MYBPC1: variants seen among roughly 807,000 people sequenced by gnomAD.
MYBPC1 encodes the protein myosin binding protein C1.
MYBPC1 carries 52 observed loss-of-function variants against 147.1 expected under a neutral mutation model. That is an observed-to-expected ratio of 0.35 (90% CI 0.28 to 0.45). MYBPC1 has a LOEUF of 0.45. Ranked by LOEUF, MYBPC1 falls within the 20% of genes least tolerant of loss-of-function variation. The probability of loss-of-function intolerance (pLI) is 1.00; values close to 1 mark genes in which losing one functional copy is unlikely to be tolerated. For synonymous variants in MYBPC1, 477 were observed against 475.9 expected (o/e 1.00, Z -0.03); for missense variants, 1,228 against 1,440.3 (o/e 0.85, Z 2.39).
At chr12:101,611,073 C>T (rs1884105020) in intron 1 of MYBPC1, among the ~76,000 whole-genome samples, 1 of 152,226 alleles carries the variant, frequency 6.6e-6, no homozygotes, top group Admixed American at 6.5e-5. Flanking sequence ...TACTCCTTCA[C>T]TGGCTATAAA....
At chr12:101,641,137 A>C (rs1377442349) in intron 10 of MYBPC1, among the ~76,000 whole-genome samples, 3 of 151,176 alleles carry the variant, frequency 2.0e-5, no homozygotes, top group African/African-American at 4.8e-5. Flanking sequence ...AAAAAAAAGA[A>C]GGCACTCTGA....
intron 11 of MYBPC1, 121 bp from the exon 12 acceptor site, chr12:101,644,543 A>AT: frequency 3.2e-6 from 3 of 935,608 alleles, no homozygotes; most frequent in Non-Finnish European, 3.3e-6. Flanking sequence ...AAGGTTTCTG[A>AT]TTTTTTTCTT....
intron 28 of MYBPC1, 39 bp downstream of exon 28, chr12:101,678,277 C>G (rs368636210): frequency 1.1e-5 from 17 of 1,609,018 alleles, no homozygotes; most frequent in Middle Eastern, 1.7e-4. Context: ...AAGTCCCTGT[C>G]TTGTATTTGT....
In MYBPC1 at chr12:101,652,706, C is replaced by T; in HGVS notation, c.1555C>T (p.Leu519Phe). Residue 519 changes from leucine to phenylalanine, a missense_variant, in exon 17 of 32, where the codon CTC becomes TTC. This residue lies in a region of MYBPC1 where 1,077 missense variants were observed against 1,314.2 expected (regional missense o/e 0.82). Transcript: ENST00000361466. The part of the protein sequence containing the change: ...RIHKLVIANA[L>F]TEDEGDYVFA... The stretch of plus-strand genomic sequence containing the variant: ...CCACAAGTTAGTGATAGCCAATGCC[C>T]TCACTGAAGATGAAGGTGATTATGT... The T allele has an allele frequency of 6.2e-7, 1 of 1,613,298 alleles. No individual in the cohort carries two copies. Among genetic ancestry groups the T allele is most frequent in the Non-Finnish European group, 8.5e-7 (1 of 1,179,298 alleles).
intron 21 of MYBPC1, 58 bp from the exon 22 acceptor site, chr12:101,663,368 C>T: frequency 4.1e-6 from 6 of 1,453,112 alleles, no homozygotes; most frequent in Non-Finnish European, 5.8e-6. Context: ...TATCACAGTT[C>T]CTGCACTATA....
At chr12:101,600,114 C>T (rs1290312315) in intron 1 of MYBPC1, among the ~76,000 whole-genome samples, 1 of 152,104 alleles carries the variant, frequency 6.6e-6, no homozygotes, top group Non-Finnish European at 1.5e-5. Flanking sequence ...AAAGAAATTC[C>T]CTCTTGTTCC....
intron 13 of MYBPC1, among the ~76,000 whole-genome samples, chr12:101,647,746 G>C (rs1333334093): frequency 2.0e-5 from 3 of 152,136 alleles, no homozygotes; most frequent in African/African-American, 7.2e-5. Context: ...AATTAGTTGG[G>C]TGTAGTGGCA....
intron 11 of MYBPC1, among the ~76,000 whole-genome samples, chr12:101,644,140 G>A (rs1258272349): frequency 6.6e-6 from 1 of 152,092 alleles, no homozygotes; most frequent in Non-Finnish European, 1.5e-5. Flanking sequence ...AGGTTCAAGT[G>A]ACTCTCATGC....
At chr12:101,610,448 A>G (rs1883828062) in intron 1 of MYBPC1, among the ~76,000 whole-genome samples, 1 of 152,198 alleles carries the variant, frequency 6.6e-6, no homozygotes, top group South Asian at 2.1e-4. Flanking sequence ...TAACACATGC[A>G]GCTCACAGAC....
chr12:101,665,427 A>G (rs1054695264), intron 22 of MYBPC1, among the ~76,000 whole-genome samples: 1 of 151,986 alleles, frequency 6.6e-6, no homozygotes, highest in Non-Finnish European at 1.5e-5. Context: ...ATTCTGTAAG[A>G]GAATTCTTTG....
intron 26 of MYBPC1, among the ~76,000 whole-genome samples, 156 bp downstream of exon 26, chr12:101,675,587 G>C (rs1384088371): frequency 6.6e-6 from 1 of 152,214 alleles, no homozygotes; most frequent in Non-Finnish European, 1.5e-5. Context: ...GAGCCACAGA[G>C]CTGGTCTTAA....
chr12:101,600,859 A>T (rs1391201409), intron 1 of MYBPC1, among the ~76,000 whole-genome samples: 1 of 152,242 alleles, frequency 6.6e-6, no homozygotes, highest in African/African-American at 2.4e-5. Context: ...ACAGGATTAA[A>T]GTTCTAGCAA....
At chr12:101,675,177 G>C (rs1268491716) in intron 25 of MYBPC1, 115 bp from the exon 26 acceptor site, 1 of 1,405,890 alleles carries the variant, frequency 7.1e-7, no homozygotes, top group East Asian at 2.5e-5. Context: ...GTAGGGTCTA[G>C]AAGAGTGATG....
chr12:101,661,315 T>C, intron 20 of MYBPC1, 53 bp downstream of exon 20: 1 of 1,162,274 alleles, frequency 8.6e-7, no homozygotes, highest in South Asian at 1.3e-5. Flanking sequence ...GTGTCCTCTT[T>C]ACGCATCTTA....
chr12:101,606,203 AACACACACAC>A (rs113061042), intron 1 of MYBPC1, among the ~76,000 whole-genome samples: 6 of 145,904 alleles, frequency 4.1e-5, no homozygotes, highest in South Asian at 2.2e-4. Context: ...TCAAAAAAGA[AACACACACAC>A]ACACACACAC....
chr12:101,661,098 A>G, intron 19 of MYBPC1, 60 bp from the exon 20 acceptor site: 1 of 1,062,968 alleles, frequency 9.4e-7, no homozygotes, highest in South Asian at 1.3e-5. Context: ...TTTCCTATTA[A>G]CTTTTTTTTT....
At position 101,634,521 on chromosome 12, in the gene MYBPC1, G is replaced by A. The variant is rs371262248; in HGVS notation, c.557-33G>A. The A allele has an allele frequency of 3.2e-6, 5 of 1,544,264 alleles. No individual in the cohort carries two copies. In the African/African-American group the frequency reaches 5.5e-5, roughly 17 times the overall value. ...TGAACACAAACTACCTCCTTAATGG[G>A]TATTTATGTTATTGTTTTCTTTCCT... On this transcript the variant is annotated intron_variant, in intron 8 of 31. Coordinates refer to ENST00000361466, the MANE Select transcript of MYBPC1 (RefSeq NM_002465.4).
At chr12:101,612,602 G>A (rs1445184330) in intron 1 of MYBPC1, among the ~76,000 whole-genome samples, 1 of 152,198 alleles carries the variant, frequency 6.6e-6, no homozygotes, top group Admixed American at 6.5e-5. Context: ...CACAGTTGTA[G>A]GATAAATAAC....
At chr12:101,598,222 G>T (rs939286075) in intron 1 of MYBPC1, among the ~76,000 whole-genome samples, 34 of 152,080 alleles carry the variant, frequency 2.2e-4, no homozygotes, top group Admixed American at 3.3e-4. Context: ...GTTTCGCCAT[G>T]TTGGCCAGGC....
Sources: allele counts gnomAD v4.1 joint callset (sites outside exome capture counted in the v4.1 genomes callset), GRCh38; gene constraint gnomAD v4.1.1; regional missense constraint gnomAD v4.1.1; transcripts MANE v1.5; gene names NCBI Gene and HGNC (gene_info 2026-07-23, HGNC 2026-07-21).